UGT3A2: variants seen among roughly 807,000 people sequenced by gnomAD.
The protein encoded by UGT3A2 is UDP glycosyltransferase family 3 member A2.
UGT3A2 carries 32 observed loss-of-function variants against 39.8 expected under a neutral mutation model. The ratio of observed to expected loss-of-function variants is 0.80; its 90% CI spans 0.61 to 1.08. The LOEUF (loss-of-function observed/expected upper bound fraction) is 1.08. Among genes scored for constraint, UGT3A2 ranks in the 50% least tolerant of loss-of-function variants. The pLI, the probability that UGT3A2 is intolerant of heterozygous loss-of-function variation, is 0.00. For missense variants in UGT3A2, 611 were observed against 637.1 expected, an observed-to-expected ratio of 0.96 and a Z score of 0.44; for synonymous variants, 241 against 230.7, an observed-to-expected ratio of 1.04 and a Z score of -0.40.
At chr5:36,044,116 A>G (rs1742093917) in intron 4 of UGT3A2, among the ~76,000 whole-genome samples, 2 of 152,128 alleles carry the variant, frequency 1.3e-5, no homozygotes. Flanking sequence ...CAAAATCAAC[A>G]ACACATTAAA....
In UGT3A2 at chr5:36,049,111, G is replaced by A; in HGVS notation, c.621C>T (p.Phe207=). ...GCTGTTGCCTCCTGCAGAAACTAAAGAACATCAGAAAATTCTTCACTCGGC... is the reference window on the plus strand; with the variant it reads ...GCTGTTGCCTCCTGCAGAAACTAAAAAACATCAGAAAATTCTTCACTCGGC... ...FWGRVKNFLM[F]FSFCRRQQHM... is the part of the protein sequence containing the mutation. Residue 207 remains phenylalanine, a synonymous_variant, in exon 4 of 7, where the codon TTC becomes TTT. Coordinates refer to ENST00000282507, the MANE Select transcript of UGT3A2 (RefSeq NM_174914.4). 6.2e-7 allele frequency: 1 copy of A among 1,614,140 alleles called. No homozygotes were observed. Among genetic ancestry groups the A allele is most frequent in the East Asian group, 2.2e-5 (1 of 44,878 alleles).
At chr5:36,057,310 C>A (rs1390423601) in intron 2 of UGT3A2, among the ~76,000 whole-genome samples, 1 of 152,118 alleles carries the variant, frequency 6.6e-6, no homozygotes, top group Non-Finnish European at 1.5e-5. Flanking sequence ...GTTTGCAGAC[C>A]TTCAGCCAAG....
In UGT3A2 at chr5:36,035,625, A is replaced by G. The variant is rs76748392; in HGVS notation, c.*73T>C. On this transcript the variant is annotated 3_prime_UTR_variant, in exon 7 of 7. Coordinates refer to ENST00000282507, the MANE Select transcript of UGT3A2 (RefSeq NM_174914.4). ...AGAAGGACTAGAGAATGGGGCTGCC[A>G]GAACTAGTGGGAAGCTCCCTAGAAA... 77,900 of 1,553,464 alleles carry G rather than the reference A, an allele frequency of 0.05. 2,776 individuals are homozygous for G. Among genetic ancestry groups the G allele is most frequent in the East Asian group, 0.14 (6,313 of 44,116 alleles).
chr5:36,059,475 G>A (rs1288063419), intron 2 of UGT3A2, among the ~76,000 whole-genome samples: 1 of 151,776 alleles, frequency 6.6e-6, no homozygotes, highest in African/African-American at 2.4e-5. Context: ...AGCAGGAGAG[G>A]GAGGATGAAA....
In UGT3A2 at chr5:36,049,195, G is replaced by T. The variant is rs765466642; in HGVS notation, c.537C>A (p.Ile179=). ...SFGSLEFGLP[I]PLSYVPVFRS... is the part of the protein sequence containing the mutation. ...GGAATACTGGAACATAAGACAAGGGGATTGGTAGCCCAAATTCCAAAGAGC... is the reference window on the plus strand; with the variant it reads ...GGAATACTGGAACATAAGACAAGGGTATTGGTAGCCCAAATTCCAAAGAGC... The change falls in exon 4 of 7, where the codon ATC becomes ATA. Residue 179 remains isoleucine, a synonymous_variant. Coordinates refer to ENST00000282507, the MANE Select transcript of UGT3A2 (RefSeq NM_174914.4). 13 of 1,614,052 alleles carry T rather than the reference G, an allele frequency of 8.1e-6. No homozygotes were observed. The highest frequency in any genetic ancestry group is 1.1e-5 in the Non-Finnish European group (13 of 1,180,046).
rs1195626322 is a variant in UGT3A2, at chr5:36,037,983, C to T, written c.1109G>A (p.Gly370Asp). The change falls in exon 6 of 7, where the codon GGC becomes GAC. Residue 370 changes from glycine (G) to aspartate (D), a missense_variant. Physicochemically the swap from Gly to Asp is moderately conservative, Grantham distance 94 (BLOSUM62 -1). Transcript: ENST00000282507. Reference sequence around the variant, plus strand: ...GGCCTCCATTATGCTATTCTGCCCGCCGTGGGTGACAAACAGACGGATGCT... The same window carrying T: ...GGCCTCCATTATGCTATTCTGCCCGTCGTGGGTGACAAACAGACGGATGCT... ...HPSIRLFVTHGGQNSIMEAIQ... is the reference protein window; with the variant it reads ...HPSIRLFVTHDGQNSIMEAIQ... The T allele has an allele frequency of 1.2e-6, 2 of 1,610,306 alleles. No homozygotes were observed. The highest frequency in any genetic ancestry group is 3.4e-5 in the Admixed American group (2 of 59,216).
chr5:36,061,020 T>C (rs116854593), intron 2 of UGT3A2, among the ~76,000 whole-genome samples: 1 of 152,190 alleles, frequency 6.6e-6, no homozygotes, highest in Admixed American at 6.5e-5. Flanking sequence ...TAGCCAGGCG[T>C]GGTGCCCCAC....
intron 2 of UGT3A2, among the ~76,000 whole-genome samples, chr5:36,059,632 A>G (rs1742624622): frequency 6.6e-6 from 1 of 152,142 alleles, no homozygotes; most frequent in Admixed American, 6.6e-5. Flanking sequence ...AACTGAGCAC[A>G]AGGATAAGCC....
rs774762749 is a variant in UGT3A2, at chr5:36,066,748, G to C, written c.42C>G (p.Leu14=). The change falls in exon 1 of 7, where the codon CTC becomes CTG. Residue 14 remains leucine (L), a synonymous_variant. Coordinates refer to ENST00000282507, the MANE Select transcript of UGT3A2 (RefSeq NM_174914.4). ...QRVLLLVGFL[L]PGVLLSEAAK... is the part of the protein sequence containing the mutation. ...CAGCCTCTGAGAGCAGGACCCCAGG[G>C]AGAAGGAAGCCCACTAGAAGAAGCA... The C allele has an allele frequency of 6.2e-7, 1 of 1,614,180 alleles. No homozygotes were observed. The highest frequency in any genetic ancestry group is 8.5e-7 in the Non-Finnish European group (1 of 1,180,024).
chr5:36,048,536 T>C (rs893663930), intron 4 of UGT3A2, among the ~76,000 whole-genome samples: 2 of 152,236 alleles, frequency 1.3e-5, no homozygotes, highest in Non-Finnish European at 2.9e-5. Context: ...AATTACTGCA[T>C]GTAATGGGCA....
intron 4 of UGT3A2, among the ~76,000 whole-genome samples, chr5:36,044,718 A>C (rs1363405539): frequency 6.7e-6 from 1 of 150,210 alleles, no homozygotes; most frequent in Non-Finnish European, 1.5e-5. Flanking sequence ...TCAAGAAAGT[A>C]ATTACATTTA....
chr5:36,037,922 G>C lies in UGT3A2; in HGVS notation c.1170C>G (p.Leu390=), dbSNP rs13159486. ...CCATGTTTTCAGGCTGGTCTCCAAA[G>C]AGAGGGATCCCCACCATGGGCACAC... ...QHGVPMVGIP[L]FGDQPENMVR... The change falls in exon 6 of 7, where the codon CTC becomes CTG. Residue 390 remains leucine (L), a synonymous_variant. Transcript: ENST00000282507. 6.2e-7 allele frequency: 1 copy of C among 1,614,158 alleles called. No homozygotes were observed. Among genetic ancestry groups the C allele is most frequent in the East Asian group, 2.2e-5 (1 of 44,874 alleles).
intron 2 of UGT3A2, among the ~76,000 whole-genome samples, chr5:36,061,899 C>G (rs1415495728): frequency 6.6e-6 from 1 of 150,608 alleles, no homozygotes; most frequent in Non-Finnish European, 1.5e-5. Context: ...CTCTCCAGCA[C>G]CTGTTGTTTC....
chr5:36,046,115 G>T (rs1363631090), intron 4 of UGT3A2, among the ~76,000 whole-genome samples: 1 of 152,168 alleles, frequency 6.6e-6, no homozygotes, highest in African/African-American at 2.4e-5. Context: ...CCAAAAGACA[G>T]GCAATAACAA....
chr5:36,047,707 T>C (rs929463759), intron 4 of UGT3A2, among the ~76,000 whole-genome samples: 5 of 152,164 alleles, frequency 3.3e-5, no homozygotes, highest in Non-Finnish European at 7.4e-5. Flanking sequence ...CTTACTCCCA[T>C]TGTTATCCTC....
rs748443933 is a variant in UGT3A2 at position 36,035,926 on chromosome 5, C to T, written c.1344G>A (p.Pro448=). The T allele has an allele frequency of 6.8e-6, 11 of 1,614,016 alleles. No homozygotes were observed. Among genetic ancestry groups the T allele is most frequent in the Admixed American group, 5.0e-5 (3 of 59,996 alleles). Residue 448 remains proline (P), a synonymous_variant, in exon 7 of 7, where the codon CCG becomes CCA. Transcript: ENST00000282507. ...VAASVILRSH[P]LSPTQRLVGW... ...CCACCAGCCGCTGTGTGGGGCTGAG[C>T]GGGTGGGAGCGCAGGATGACACTGG...
At chr5:36,040,909 A>G (rs966613070) in intron 4 of UGT3A2, among the ~76,000 whole-genome samples, 1 of 151,862 alleles carries the variant, frequency 6.6e-6, no homozygotes, top group African/African-American at 2.4e-5. Flanking sequence ...CCAGGAGAGG[A>G]GAGGGAAGAG....
rs1186878110 is a variant in UGT3A2 at position 36,062,365 on chromosome 5, A to T, written c.196+1884T>A. Among the ~76,000 whole-genome samples, 40 of 152,226 alleles carry T rather than the reference A, an allele frequency of 2.6e-4. 1 individual carries two copies. The highest frequency in any genetic ancestry group is 4.6e-4 in the Admixed American group (7 of 15,274). On this transcript the variant is annotated intron_variant, in intron 2 of 6. Coordinates refer to ENST00000282507, the MANE Select transcript of UGT3A2 (RefSeq NM_174914.4). ...TGCCTAGGTTTTCTTCTAGGGTTTT[A>T]ATGGTTTTAAGTCTAACGTTTAAGT...
At chr5:36,038,201 A>G (rs898763031) in intron 5 of UGT3A2, among the ~76,000 whole-genome samples, 185 bp from the exon 6 acceptor site, 2 of 152,188 alleles carry the variant, frequency 1.3e-5, no homozygotes, top group South Asian at 4.1e-4. Context: ...AAGCGTTGCT[A>G]TCGTATGGAA....
Sources: allele counts gnomAD v4.1 joint callset (sites outside exome capture counted in the v4.1 genomes callset), GRCh38; gene constraint gnomAD v4.1.1; transcripts MANE v1.5; gene names NCBI Gene and HGNC (gene_info 2026-07-23, HGNC 2026-07-21).